The following ZFAND3 variants were observed in gnomAD, a reference collection of about 807,000 sequenced individuals.
The protein encoded by ZFAND3 is zinc finger AN1-type containing 3, also known as AN1-type zinc finger protein 3.
Under a neutral mutation model 29.6 loss-of-function variants are expected in ZFAND3, and 10 were observed. The observed-to-expected ratio is 0.34, with a 90% CI of 0.21 to 0.57. The LOEUF is 0.57. Ranked by LOEUF, ZFAND3 falls within the 20% of genes least tolerant of loss-of-function variation. ZFAND3 has a pLI of 0.86. For missense variants in ZFAND3, 230 were observed against 304.5 expected, an observed-to-expected ratio of 0.76 and a Z score of 1.82; for synonymous variants, 128 against 112.6, an observed-to-expected ratio of 1.14 and a Z score of -0.87.
At chr6:37,947,587 T>G (rs976491984) in intron 2 of ZFAND3, among the ~76,000 whole-genome samples, 3 of 152,212 alleles carry the variant, frequency 2.0e-5, no homozygotes, top group African/African-American at 7.2e-5. Flanking sequence ...TGCCCTGCCC[T>G]TTCTACTCCA....
intron 1 of ZFAND3, among the ~76,000 whole-genome samples, chr6:37,924,165 G>A (rs1417017625): frequency 1.3e-5 from 2 of 152,102 alleles, no homozygotes; most frequent in Admixed American, 1.3e-4. Context: ...CAGATACATA[G>A]GATGACGTTA....
intron 4 of ZFAND3, among the ~76,000 whole-genome samples, chr6:38,090,865 A>T (rs544986624): frequency 6.6e-6 from 1 of 152,332 alleles, no homozygotes; most frequent in Non-Finnish European, 1.5e-5. Flanking sequence ...GATTTCAGAT[A>T]AGATGAGGGA....
chr6:37,961,022 C>T (rs1483691596), intron 2 of ZFAND3, among the ~76,000 whole-genome samples: 2 of 152,120 alleles, frequency 1.3e-5, no homozygotes, highest in African/African-American at 4.8e-5. Flanking sequence ...CTGCAGTGTT[C>T]TGTGATTGCA....
intron 5 of ZFAND3, among the ~76,000 whole-genome samples, chr6:38,117,232 A>G (rs1245178105): frequency 6.9e-6 from 1 of 144,274 alleles, no homozygotes; most frequent in Admixed American, 6.9e-5. Flanking sequence ...TAGTTCATCT[A>G]GTCAGTTAAT....
chr6:37,894,516 T>C (rs569234344), intron 1 of ZFAND3, among the ~76,000 whole-genome samples: 36 of 152,064 alleles, frequency 2.4e-4, no homozygotes, highest in African/African-American at 7.7e-4. Context: ...ACTTAACCGG[T>C]GTGTGCCTTA....
intron 2 of ZFAND3, among the ~76,000 whole-genome samples, chr6:37,997,362 G>A (rs1561960512): frequency 6.6e-6 from 1 of 152,138 alleles, no homozygotes. Flanking sequence ...TGAGAATGGA[G>A]GAAAGAATAG....
At chr6:38,013,595 T>C (rs1359481452) in intron 2 of ZFAND3, among the ~76,000 whole-genome samples, 1 of 152,194 alleles carries the variant, frequency 6.6e-6, no homozygotes, top group African/African-American at 2.4e-5. Context: ...GTAATGGTAT[T>C]TGACTTATTT....
intron 1 of ZFAND3, among the ~76,000 whole-genome samples, chr6:37,836,183 G>A (rs185208536): frequency 3.3e-5 from 5 of 152,248 alleles, no homozygotes; most frequent in East Asian, 3.9e-4. Flanking sequence ...GAATCACTTC[G>A]GGAGTCTTTT....
At chr6:38,061,280 A>G (rs58332635) in intron 2 of ZFAND3, among the ~76,000 whole-genome samples, 13,440 of 152,180 alleles carry the variant, frequency 0.088, 774 homozygotes, top group East Asian at 0.29. Context: ...TTGAAAAACT[A>G]TTCTTTATTC....
intron 3 of ZFAND3, among the ~76,000 whole-genome samples, chr6:38,070,401 T>G (rs898262379): frequency 7.1e-6 from 1 of 141,706 alleles, no homozygotes; most frequent in Non-Finnish European, 1.5e-5. Flanking sequence ...GCAACAAGAA[T>G]GAAACTTAGT....
In ZFAND3 at chr6:38,133,330, A is replaced by G. The variant is rs147549798; in HGVS notation, c.529+16591A>G. 2.8e-3 allele frequency among the ~76,000 whole-genome samples: 424 copies of G among 152,328 alleles called. 2 individuals carry two copies. Among genetic ancestry groups the G allele is most frequent in the African/African-American group, 9.7e-3 (405 of 41,556 alleles). ...GACACATTAATAGACACTTGAATACACTGTGAGATCCCTGCGTCTTGCAGT... is the reference window on the plus strand; with the variant it reads ...GACACATTAATAGACACTTGAATACGCTGTGAGATCCCTGCGTCTTGCAGT... On this transcript the variant is annotated intron_variant, in intron 5 of 5. Transcript: ENST00000287218.
intron 2 of ZFAND3, among the ~76,000 whole-genome samples, chr6:38,047,842 T>C (rs1294942953): frequency 6.6e-6 from 1 of 152,140 alleles, no homozygotes; most frequent in African/African-American, 2.4e-5. Flanking sequence ...TCAAAACAAA[T>C]AAACCATTGT....
intron 1 of ZFAND3, among the ~76,000 whole-genome samples, chr6:37,913,260 TTC>T (rs1765554613): frequency 6.6e-6 from 1 of 152,334 alleles, no homozygotes; most frequent in South Asian, 2.1e-4. Flanking sequence ...ACAGTAGAAC[TTC>T]TTTCAGAATT....
Position 38,026,151 on chromosome 6 carries a change from A to G in ZFAND3, c.113-35442A>G, listed in dbSNP as rs1366670960. Among the ~76,000 whole-genome samples, 3 of 152,184 alleles carry G rather than the reference A, an allele frequency of 2.0e-5. No individual in the cohort carries two copies. The South Asian group carries it at 6.2e-4, about 32-fold the overall frequency. On this transcript the variant is annotated intron_variant, in intron 2 of 5. Coordinates refer to ENST00000287218, the MANE Select transcript of ZFAND3 (RefSeq NM_021943.3). ...CATTTCTAAACCAAGTTCTTCAGCA[A>G]ACCTCTTAATGTCTCTGTCCCCTAA...
intron 1 of ZFAND3, among the ~76,000 whole-genome samples, chr6:37,861,295 C>T (rs1393949558): frequency 6.6e-6 from 1 of 151,990 alleles, no homozygotes; most frequent in African/African-American, 2.4e-5. Flanking sequence ...TGAAAGTAAA[C>T]AGTTTGATTT....
chr6:37,873,735 A>G (rs1764742379), intron 1 of ZFAND3, among the ~76,000 whole-genome samples: 1 of 152,152 alleles, frequency 6.6e-6, no homozygotes, highest in Admixed American at 6.5e-5. Flanking sequence ...TCAGATTGGC[A>G]CACTTTTCTG....
intron 2 of ZFAND3, among the ~76,000 whole-genome samples, chr6:37,950,130 C>A (rs571171220): frequency 1.3e-5 from 2 of 152,292 alleles, no homozygotes; most frequent in East Asian, 1.9e-4. Flanking sequence ...TTTCTTTTGA[C>A]GTGCAGAAGC....
chr6:38,090,202 C>T (rs1764837143), intron 4 of ZFAND3, among the ~76,000 whole-genome samples: 1 of 152,182 alleles, frequency 6.6e-6, no homozygotes, highest in African/African-American at 2.4e-5. Flanking sequence ...CTTTTCAAAT[C>T]TTTCTTGTTG....
At chr6:38,096,176 C>T (rs1033451816) in intron 4 of ZFAND3, among the ~76,000 whole-genome samples, 1 of 150,966 alleles carries the variant, frequency 6.6e-6, no homozygotes, top group Non-Finnish European at 1.5e-5. Context: ...TTGTTGTTGT[C>T]CCCCCCAACC....
Sources: allele counts gnomAD v4.1 joint callset (sites outside exome capture counted in the v4.1 genomes callset), GRCh38; gene constraint gnomAD v4.1.1; transcripts MANE v1.5; gene names NCBI Gene and HGNC (gene_info 2026-07-23, HGNC 2026-07-21).